Variants in ZNF185 observed in about 807,000 individuals in gnomAD.
ZNF185 encodes the protein zinc finger protein 185 with LIM domain.
A neutral mutation model predicts 58.6 loss-of-function variants in ZNF185; 56 were observed. The observed-to-expected ratio is 0.95, with a 90% CI of 0.77 to 1.19. The LOEUF is 1.19. Among genes scored for constraint, ZNF185 ranks in the 50% most tolerant of loss-of-function variants. The pLI is 0.00. For synonymous variants in ZNF185, 230 were observed against 215.9 expected (o/e 1.07, Z -0.57); for missense variants, 627 against 573.5 (o/e 1.09, Z -0.95).
rs1402494261 is a variant in ZNF185, at chrX:152,965,418, C to T, written c.1719-29C>T. The T allele has an allele frequency of 5.2e-6, 6 of 1,152,496 alleles. No homozygotes were observed. The Admixed American group carries it at 7.7e-5, about 15-fold the overall frequency. The allele number at this position is 1,152,496 out of a possible 1,213,427, so 95.0% of individuals were successfully genotyped here. On this transcript the variant is annotated intron_variant, in intron 18 of 22. Transcript: ENST00000449285. ...GGTTCCCTGGAATCTTCTGGTGTAC[C>T]TCTGATTTCTTCTGTGCTCCTTCTA...
At chrX:152,958,397 G>A (rs2049072393) in intron 16 of ZNF185, among the ~76,000 whole-genome samples, 1 of 111,255 alleles carries the variant, frequency 9.0e-6, no homozygotes, top group Admixed American at 9.5e-5. Context: ...GCAGGAACAA[G>A]GAAGTTCCAT....
Position 152,932,982 on chromosome X carries a change from C to G in ZNF185, c.1121+11C>G, listed in dbSNP as rs1056972477. ...CTCCGAGAGAGGAAGGTGAGCTGCC[C>G]GGGGGAGGCAGGTTCTCTCATGCCC... is the stretch of plus-strand genomic sequence containing the variant. On this transcript the variant is annotated intron_variant, in intron 14 of 22. Coordinates refer to ENST00000449285, the Ensembl canonical transcript of ZNF185. The G allele has an allele frequency of 1.7e-6, 2 of 1,162,886 alleles. No homozygotes were observed. Among genetic ancestry groups the G allele is most frequent in the Admixed American group, 4.9e-5 (2 of 40,414 alleles).
intron 3 of ZNF185, 54 bp downstream of exon 4, chrX:152,915,257 G>C: frequency 8.7e-7 from 1 of 1,155,881 alleles, no homozygotes; most frequent in Non-Finnish European, 1.2e-6. Flanking sequence ...CTCTCCTGCA[G>C]CTTGGGGCCA....
intron 16 of ZNF185, among the ~76,000 whole-genome samples, chrX:152,950,725 G>A (rs1053995230): frequency 1.3e-4 from 14 of 111,847 alleles, no homozygotes; most frequent in Admixed American, 1.9e-4. Context: ...CCAGTTTTAG[G>A]TATAAAATAT....
intron 12 of ZNF185, among the ~76,000 whole-genome samples, chrX:152,929,262 G>GT (rs552187806): frequency 0.11 from 12,360 of 110,807 alleles, 558 homozygotes; most frequent in African/African-American, 0.13. Flanking sequence ...GAGCACGAGG[G>GT]GCTCAGCCTC....
chrX:152,959,825 C>A (rs782406503), exon 17 of ZNF185: 3 of 1,211,866 alleles, frequency 2.5e-6, no homozygotes, highest in African/African-American at 1.7e-5. Context: ...CTGCAGATCC[C>A]AGTACCCCAG....
At chrX:152,926,007 C>T (rs782679481) in intron 11 of ZNF185, among the ~76,000 whole-genome samples, 47 of 112,490 alleles carry the variant, frequency 4.2e-4, no homozygotes, top group African/African-American at 1.5e-3. Flanking sequence ...CACCCCTTCT[C>T]GGCCCCCAGG....
intron 16 of ZNF185, among the ~76,000 whole-genome samples, chrX:152,954,767 A>G (rs935487412): frequency 1.8e-5 from 2 of 112,473 alleles, no homozygotes; most frequent in Non-Finnish European, 3.7e-5. Context: ...GTTAAATGTA[A>G]CACCTATGAG....
In ZNF185 at chrX:152,935,438, G is replaced by A. The variant is rs782449024; in HGVS notation, c.1121+2467G>A. Among the ~76,000 whole-genome samples the A allele has an allele frequency of 1.9e-4, 21 of 109,372 alleles. No homozygotes were observed. The South Asian group carries it at 4.0e-3, about 21-fold the overall frequency. The allele number at this position is 109,372 out of a possible 115,157, so 95.0% of individuals were successfully genotyped here. ...TTTTTAGTAGAGACGGGGTTTCACC[G>A]TGTTAGCCAGGATGGTCTCGATCTC... On this transcript the variant is annotated intron_variant, in intron 14 of 22. Coordinates refer to ENST00000449285, the Ensembl canonical transcript of ZNF185.
At chrX:152,914,755 A>G (rs781928669) in exon 2 of ZNF185, 1 of 1,193,998 alleles carries the variant, frequency 8.4e-7, no homozygotes, top group Non-Finnish European at 1.1e-6. Context: ...AACGTTCTCA[A>G]GCAGATGAAA....
At chrX:152,942,793 G>A (rs1436611102) in intron 15 of ZNF185, among the ~76,000 whole-genome samples, 1 of 111,412 alleles carries the variant, frequency 9.0e-6, no homozygotes, top group Non-Finnish European at 1.9e-5. Flanking sequence ...TTGTTGGCCA[G>A]TGGAGGCAGT....
chrX:152,904,711 C>A, the ZNF185 span, among the ~76,000 whole-genome samples: 1,501 of 111,916 alleles, frequency 0.013, 30 homozygotes, highest in African/African-American at 0.047. Flanking sequence ...CTTGTCCTTG[C>A]ACTTCCCATG....
At chrX:152,927,882 G>A (rs1191741888) in intron 11 of ZNF185, among the ~76,000 whole-genome samples, 1 of 112,682 alleles carries the variant, frequency 8.9e-6, no homozygotes. Context: ...ATGGACCTAA[G>A]GAGGTCTGGT....
rs782468329 is a variant in ZNF185 at position 152,970,955 on chromosome X, G to A, written c.*1-319G>A. Among the ~76,000 whole-genome samples the A allele has an allele frequency of 2.7e-5, 3 of 111,966 alleles. No individual in the cohort carries two copies. The East Asian group carries it at 8.4e-4, about 31-fold the overall frequency. On this transcript the variant is annotated intron_variant, in intron 22 of 22. Coordinates refer to ENST00000449285, the Ensembl canonical transcript of ZNF185. ...CAGGGCTCTCTGTTCACTGTCACTC[G>A]CATAGCTTCAGATCAGGACTGCATA... is the stretch of plus-strand genomic sequence containing the variant.
chrX:152,943,011 A>C (rs1309779648), intron 15 of ZNF185, among the ~76,000 whole-genome samples: 1 of 111,589 alleles, frequency 9.0e-6, no homozygotes, highest in Non-Finnish European at 1.9e-5. Flanking sequence ...TCTCATATAT[A>C]TATGTTTTTG....
chrX:152,950,491 C>T (rs1281236923), intron 16 of ZNF185, among the ~76,000 whole-genome samples: 1 of 111,633 alleles, frequency 9.0e-6, no homozygotes, highest in East Asian at 2.8e-4. Flanking sequence ...ACTGAAACCC[C>T]GCTAGGAATT....
intron 22 of ZNF185, 101 bp downstream of exon 24, chrX:152,970,642 C>G (rs1453788970): frequency 5.5e-5 from 38 of 695,520 alleles, no homozygotes; most frequent in Non-Finnish European, 8.0e-5. Flanking sequence ...ACACAGCTAT[C>G]TTTCTTGGCT....
the ZNF185 span, among the ~76,000 whole-genome samples, chrX:152,902,159 T>A: frequency 1.8e-5 from 2 of 112,440 alleles, no homozygotes; most frequent in African/African-American, 6.5e-5. Flanking sequence ...GCTGCTGAGA[T>A]GGCGGCAGAG....
At chrX:152,935,299 G>A (rs1333143349) in intron 14 of ZNF185, among the ~76,000 whole-genome samples, 7 of 103,697 alleles carry the variant, frequency 6.8e-5, no homozygotes, top group Non-Finnish European at 1.2e-4. Context: ...GCACTGGTGC[G>A]ATCTCGGCTC....
Sources: gnomAD v4.1 joint callset for allele counts (sites outside exome capture counted in the v4.1 genomes callset) on GRCh38, gnomAD v4.1.1 for gene constraint, MANE v1.5 for transcripts, NCBI Gene and HGNC (gene_info 2026-07-23, HGNC 2026-07-21) for gene names.